The following ZNF646 variants were observed in gnomAD, a reference collection of about 807,000 sequenced individuals.
ZNF646 encodes zinc finger protein 646.
ZNF646 carries 49 observed loss-of-function variants against 115.4 expected under a neutral mutation model. The ratio of observed to expected loss-of-function variants is 0.42; its 90% CI spans 0.34 to 0.54. The LOEUF (loss-of-function observed/expected upper bound fraction) is 0.54, where lower values mean the gene tolerates loss of function less well. Ranked by LOEUF, ZNF646 falls within the 20% of genes least tolerant of loss-of-function variation. The pLI, the probability that ZNF646 is intolerant of heterozygous loss-of-function variation, is 0.04. For synonymous variants in ZNF646, 933 were observed against 939.0 expected (o/e 0.99, Z 0.12); for missense variants, 2,269 against 2,457.9 (o/e 0.92, Z 1.62).
chr16:31,076,192 C>T, intron 1 of ZNF646, 54 bp from the exon 2 acceptor site: 2 of 1,266,356 alleles, frequency 1.6e-6, no homozygotes, highest in Non-Finnish European at 2.1e-6. Context: ...CTCGTAGAGC[C>T]AAGAGGCGAA....
rs761630775 is a variant in ZNF646, at chr16:31,076,313, C to T, written c.-12C>T. The T allele has an allele frequency of 1.3e-6, 2 of 1,593,498 alleles. No individual in the cohort carries two copies. The highest frequency in any genetic ancestry group is 1.7e-6 in the Non-Finnish European group (2 of 1,166,780). On this transcript the variant is annotated 5_prime_UTR_variant, in exon 2 of 3. Coordinates refer to ENST00000300850, the MANE Select transcript of ZNF646 (RefSeq NM_014699.4). ...CTCCTTCTGAACCTCCAGGTTTCTG[C>T]TACGTTGCCCCATGGAGGACACACC...
chr16:31,080,452 G>A lies in ZNF646; in HGVS notation c.4128G>A (p.Arg1376=). 6.2e-7 allele frequency: 1 copy of A among 1,613,376 alleles called. No individual in the cohort carries two copies. The highest frequency in any genetic ancestry group is 1.1e-5 in the South Asian group (1 of 91,086). The change falls in exon 2 of 3, where the codon CGG becomes CGA. Residue 1376 remains arginine (R), a synonymous_variant. Coordinates refer to ENST00000300850, the MANE Select transcript of ZNF646 (RefSeq NM_014699.4). ...TCTGTGGCCGCAGCTTCCCTGGCCG[G>A]GGATCTTTGGAGCGGCACCTGCGGG... ...CALCGRSFPG[R]GSLERHLREH...
At chr16:31,075,705 AAGG>A (rs2057068264) in intron 1 of ZNF646, among the ~76,000 whole-genome samples, 1 of 152,156 alleles carries the variant, frequency 6.6e-6, no homozygotes, top group Admixed American at 6.5e-5. Flanking sequence ...CCTTTCCCTG[AAGG>A]AGGCCTCTAA....
chr16:31,083,110 A>T lies in ZNF646; in HGVS notation c.*18A>T. On this transcript the variant is annotated 3_prime_UTR_variant, in exon 3 of 3. Transcript: ENST00000300850. ...CCCTCTGAACTTCAAGTCTCCAAAG[A>T]TCAGAATCTGGGGGAGGGAGCGCGT... 6.2e-7 allele frequency: 1 copy of T among 1,600,948 alleles called. No individual in the cohort carries two copies. Among genetic ancestry groups the T allele is most frequent in the Non-Finnish European group, 8.5e-7 (1 of 1,175,056 alleles).
rs764901373 is a variant in ZNF646 at position 31,081,670 on chromosome 16, G to GCAC, written c.5349_5351dup (p.His1783dup). ...TCAGCTTCGTGCAGCACCAGCAGCA[G>GCAC]CACCAGGAGGAGTGGACGGTGGCCG... is the stretch of plus-strand genomic sequence containing the variant. On this transcript the variant is annotated inframe_insertion, in exon 2 of 3. Transcript: ENST00000300850. 75 of 1,600,170 alleles carry GCAC rather than the reference G, an allele frequency of 4.7e-5. No homozygotes were observed. The East Asian group carries it at 1.7e-3, about 35-fold the overall frequency.
Position 31,079,059 on chromosome 16 carries a change from G to A in ZNF646, c.2735G>A (p.Gly912Asp), listed in dbSNP as rs1312140185. ...QAHSSSGMTE[G>D]SEEEGEEEGV... ...CACAGCTCCTCTGGCATGACTGAGG[G>A]CTCAGAGGAGGAGGGGGAAGAGGAA... Residue 912 changes from glycine to aspartate, a missense_variant, in exon 2 of 3, where the codon GGC becomes GAC. Physicochemically the swap from Gly to Asp is moderately conservative, Grantham distance 94. Around this residue, in one of 5 missense-constraint regions of ZNF646, gnomAD observed 852 missense variants for 900.2 expected, o/e 0.95. Transcript: ENST00000300850. This position sits in a 1 kb window ranked among gnomAD's most constrained non-coding sequence, Gnocchi z 5.5. 6.3e-7 allele frequency: 1 copy of A among 1,577,724 alleles called. No homozygotes were observed. The highest frequency in any genetic ancestry group is 8.6e-7 in the Non-Finnish European group (1 of 1,159,126).
rs753628879 is a variant in ZNF646, at chr16:31,078,660, G to A, written c.2336G>A (p.Gly779Asp). ...AACTTGGACATCCCAGGTGAGGAAG[G>A]TGGTGGCACTCACTTCTGCGATAGC... ...LDNLDIPGEE[G>D]GGTHFCDSLT... The change falls in exon 2 of 3, where the codon GGT (glycine) becomes GAT (aspartate). Residue 779 changes from glycine to aspartate, a missense_variant. Around this residue, in one of 5 missense-constraint regions of ZNF646, gnomAD observed 852 missense variants for 900.2 expected, o/e 0.95. Transcript: ENST00000300850. The A allele has an allele frequency of 3.7e-6, 6 of 1,614,190 alleles. No individual in the cohort carries two copies. The highest frequency in any genetic ancestry group is 3.3e-5 in the Admixed American group (2 of 60,032).
Position 31,077,385 on chromosome 16 carries a change from C to T in ZNF646, c.1061C>T (p.Ser354Phe), listed in dbSNP as rs772914316. The part of the protein sequence containing the change: ...QLPSAQMLNG[S>F]AELSTSGELE... ...CCCAGTGCACAGATGCTGAATGGCT[C>T]TGCGGAGCTCAGCACCTCTGGGGAG... The change falls in exon 2 of 3, where the codon TCT becomes TTT. Residue 354 changes from serine to phenylalanine, a missense_variant. By Grantham distance (155) the Ser-to-Phe change is radical. Coordinates refer to ENST00000300850, the MANE Select transcript of ZNF646 (RefSeq NM_014699.4). 6 of 1,613,072 alleles carry T rather than the reference C, an allele frequency of 3.7e-6. No homozygotes were observed. The highest frequency in any genetic ancestry group is 4.2e-6 in the Non-Finnish European group (5 of 1,179,768).
rs2057095073 is a variant in ZNF646 at position 31,077,646 on chromosome 16, C to T, written c.1322C>T (p.Ala441Val). The T allele has an allele frequency of 1.2e-6, 2 of 1,614,002 alleles. No individual in the cohort carries two copies. Among genetic ancestry groups the T allele is most frequent in the Non-Finnish European group, 1.7e-6 (2 of 1,179,982 alleles). The change falls in exon 2 of 3, where the codon GCT becomes GTT. Residue 441 changes from alanine to valine, a missense_variant. By Grantham distance (64) the Ala-to-Val change is moderately conservative (BLOSUM62 0). Coordinates refer to ENST00000300850, the MANE Select transcript of ZNF646 (RefSeq NM_014699.4). ...GENGQPSVPP[A>V]PLLLAETTHK... The stretch of plus-strand genomic sequence containing the variant: ...AATGGGCAGCCATCAGTCCCACCAG[C>T]TCCCCTGCTGCTGGCTGAGACCACC...
rs779510574 is a variant in ZNF646, at chr16:31,077,820, G to T, written c.1496G>T (p.Arg499Leu). 1 of 1,613,662 alleles carries T rather than the reference G, an allele frequency of 6.2e-7. No homozygotes were observed. Among genetic ancestry groups the T allele is most frequent in the Non-Finnish European group, 8.5e-7 (1 of 1,180,016 alleles). ...TGEYQCSLCPRKYPNLMALRN... is the reference protein window; with the variant it reads ...TGEYQCSLCPLKYPNLMALRN... ...GAGTACCAGTGCTCACTCTGTCCCC[G>T]CAAGTACCCCAATCTCATGGCCCTG... Residue 499 changes from arginine to leucine, a missense_variant, in exon 2 of 3, where the codon CGC becomes CTC. Coordinates refer to ENST00000300850, the MANE Select transcript of ZNF646 (RefSeq NM_014699.4).
chr16:31,078,317 C>T lies in ZNF646; in HGVS notation c.1993C>T (p.Arg665Trp), dbSNP rs768082137. 19 of 1,613,468 alleles carry T rather than the reference C, an allele frequency of 1.2e-5. No individual in the cohort carries two copies. Among genetic ancestry groups the T allele is most frequent in the East Asian group, 8.9e-5 (4 of 44,882 alleles). Residue 665 changes from arginine (R) to tryptophan (W), a missense_variant, in exon 2 of 3, where the codon CGG (arginine) becomes TGG (tryptophan). Coordinates refer to ENST00000300850, the MANE Select transcript of ZNF646 (RefSeq NM_014699.4). ...GGCTGCCATGAAGAACCACTTGCGC[C>T]GGCACAGTCGGCGGCGGAGCAGGCG... The part of the protein sequence containing the change: ...TMAAMKNHLR[R>W]HSRRRSRRHR...
rs749671 is a variant in ZNF646 at position 31,077,026 on chromosome 16, G to A, written c.702G>A (p.Glu234=). The part of the protein sequence containing the change: ...GQEPTQSPPA[E]EERRYKCSQC... ...AGCCCACCCAGTCCCCTCCTGCTGAGGAGGAGCGGCGGTACAAATGTAGTC... is the reference window on the plus strand; with the variant it reads ...AGCCCACCCAGTCCCCTCCTGCTGAAGAGGAGCGGCGGTACAAATGTAGTC... Residue 234 remains glutamate (E), a synonymous_variant, in exon 2 of 3, where the codon GAG becomes GAA. Coordinates refer to ENST00000300850, the MANE Select transcript of ZNF646 (RefSeq NM_014699.4). The A allele has an allele frequency of 0.37, 599,560 of 1,613,790 alleles. 123,514 individuals are homozygous for A. The highest frequency in any genetic ancestry group is 0.9 in the East Asian group (40,470 of 44,860).
Position 31,083,893 on chromosome 16 carries a change from G to A in ZNF646, c.*801G>A, listed in dbSNP as rs1221033691. ...CCCTCCCCATTCCTCGAAGGAACAG[G>A]GTCTGTCTTGGCCGCCATGACAGAT... On this transcript the variant is annotated 3_prime_UTR_variant, in exon 3 of 3. Transcript: ENST00000300850. The A allele has an allele frequency of 7.5e-6, 12 of 1,602,858 alleles. No individual in the cohort carries two copies. The highest frequency in any genetic ancestry group is 1.3e-5 in the African/African-American group (1 of 74,516).
rs200582138 is a variant in ZNF646, at chr16:31,083,019, C to T, written c.5426C>T (p.Pro1809Leu). 14 of 1,601,372 alleles carry T rather than the reference C, an allele frequency of 8.7e-6. No individual in the cohort carries two copies. Among genetic ancestry groups the T allele is most frequent in the South Asian group, 1.1e-5 (1 of 89,572 alleles). The change falls in exon 3 of 3, where the codon CCT becomes CTT. Residue 1809 changes from proline to leucine, a missense_variant. This residue lies in a region of ZNF646 where 1,062 missense variants were observed against 1,172.8 expected (regional missense o/e 0.91). Coordinates refer to ENST00000300850, the MANE Select transcript of ZNF646 (RefSeq NM_014699.4). ...GGCAGAGGGGACTTGCCATTGCCCC[C>T]TCCACCCACCCCCACGACCCCACTC... ...VTGRGDLPLP[P>L]PPTPTTPLLD...
Position 31,077,747 on chromosome 16 carries a change from C to T in ZNF646, c.1423C>T (p.Arg475Cys), listed in dbSNP as rs2057096486. The T allele has an allele frequency of 4.3e-6, 7 of 1,614,012 alleles. No individual in the cohort carries two copies. The highest frequency in any genetic ancestry group is 5.9e-6 in the Non-Finnish European group (7 of 1,180,016). Residue 475 changes from arginine (R) to cysteine (C), a missense_variant, in exon 2 of 3, where the codon CGC (arginine) becomes TGC (cysteine). Arg to Cys is a radical substitution (Grantham distance 180). Around this residue, in one of 5 missense-constraint regions of ZNF646, gnomAD observed 852 missense variants for 900.2 expected, o/e 0.95. Coordinates refer to ENST00000300850, the MANE Select transcript of ZNF646 (RefSeq NM_014699.4). ...YKCSECGRAYRHRGSLVNHRH... is the reference protein window; with the variant it reads ...YKCSECGRAYCHRGSLVNHRH... The stretch of plus-strand genomic sequence containing the variant: ...GTGCAGTGAGTGTGGTCGTGCTTAC[C>T]GCCACCGGGGGAGCCTGGTGAACCA...
At position 31,079,596 on chromosome 16, in the gene ZNF646, T is replaced by A; in HGVS notation, c.3272T>A (p.Leu1091Gln). 6.2e-7 allele frequency: 1 copy of A among 1,613,364 alleles called. No individual in the cohort carries two copies. The highest frequency in any genetic ancestry group is 8.5e-7 in the Non-Finnish European group (1 of 1,179,992). The change falls in exon 2 of 3, where the codon CTG becomes CAG. Residue 1091 changes from leucine (L) to glutamine (Q), a missense_variant. Leu to Gln is a moderately radical substitution (Grantham distance 113). This residue lies in a region of ZNF646 where 1,062 missense variants were observed against 1,172.8 expected (regional missense o/e 0.91). Coordinates refer to ENST00000300850, the MANE Select transcript of ZNF646 (RefSeq NM_014699.4). The surrounding 1 kb of genome is among the most constrained non-coding windows in gnomAD (Gnocchi z 5.5). ...GTCTGCTCCCGCTGCTACCCCAACC[T>A]GGCTGCCTACCGTAATCATCTGCGG... is the stretch of plus-strand genomic sequence containing the variant. Reference protein sequence around the residue: ...CPVCSRCYPNLAAYRNHLRNH... With the variant: ...CPVCSRCYPNQAAYRNHLRNH...
In ZNF646 at chr16:31,079,843, G is replaced by A. The variant is rs761517384; in HGVS notation, c.3519G>A (p.Glu1173=). ...CCAGGGTGAAAGAAGAGGTGTGGGA[G>A]GAGACCACTGTGAAGGGGGAGGAGA... The part of the protein sequence containing the change: ...EVARVKEEVW[E]ETTVKGEEIE... The change falls in exon 2 of 3, where the codon GAG becomes GAA. Residue 1173 remains glutamate, a synonymous_variant. Transcript: ENST00000300850. This position sits in a 1 kb window ranked among gnomAD's most constrained non-coding sequence, Gnocchi z 5.5. The A allele has an allele frequency of 1.2e-6, 2 of 1,613,708 alleles. No individual in the cohort carries two copies. The highest frequency in any genetic ancestry group is 1.7e-6 in the Non-Finnish European group (2 of 1,179,784).
At position 31,074,436 on chromosome 16, in the gene ZNF646, G is replaced by C. The variant is rs2057050086; in HGVS notation, c.-275G>C. On this transcript the variant is annotated 5_prime_UTR_variant, in exon 1 of 3. Coordinates refer to ENST00000300850, the MANE Select transcript of ZNF646 (RefSeq NM_014699.4). ...TCCTGTTTCCTAGTAACAATAGGAAGTGTCCGTAGAGCTGGGAGTAGACTC... is the reference window on the plus strand; with the variant it reads ...TCCTGTTTCCTAGTAACAATAGGAACTGTCCGTAGAGCTGGGAGTAGACTC... 6.6e-6 allele frequency: 1 copy of C among 152,332 alleles called. No individual in the cohort carries two copies. The highest frequency in any genetic ancestry group is 2.4e-5 in the African/African-American group (1 of 41,478). 9.4% of individuals were successfully genotyped at this position (152,332 alleles called of 1,614,324 possible). A position where few individuals can be genotyped will look rare whatever the true frequency, so the allele number is the denominator to read the frequency against.
chr16:31,081,844 A>G (rs1380046854), intron 2 of ZNF646, 143 bp downstream of exon 2: 1 of 1,337,202 alleles, frequency 7.5e-7, no homozygotes, highest in East Asian at 2.5e-5. Context: ...CTATGGGGTG[A>G]GAGAAGTAGC....
Sources: allele counts gnomAD v4.1 joint callset (sites outside exome capture counted in the v4.1 genomes callset), GRCh38; gene constraint gnomAD v4.1.1; regional missense constraint gnomAD v4.1.1; non-coding constraint Gnocchi (gnomAD v3.1); transcripts MANE v1.5; gene names NCBI Gene and HGNC (gene_info 2026-07-23, HGNC 2026-07-21).